FTCDNL1: variants seen among roughly 807,000 people sequenced by gnomAD.
The protein encoded by FTCDNL1 is formiminotransferase N-terminal subdomain-containing protein.
Under a neutral mutation model 5.9 loss-of-function variants are expected in FTCDNL1, and 11 were observed. The ratio of observed to expected loss-of-function variants is 1.87; its 90% CI spans 1.18 to 3.10. The LOEUF (loss-of-function observed/expected upper bound fraction) is 3.10, where lower values mean the gene tolerates loss of function less well. Among genes scored for constraint, FTCDNL1 ranks in the 30% most tolerant of loss-of-function variants. The pLI, the probability that FTCDNL1 is intolerant of heterozygous loss-of-function variation, is 0.00. For missense variants in FTCDNL1, 115 were observed against 65.5 expected, an observed-to-expected ratio of 1.76 and a Z score of -2.61; for synonymous variants, 58 against 24.8, an observed-to-expected ratio of 2.34 and a Z score of -3.99.
the FTCDNL1 span, among the ~76,000 whole-genome samples, chr2:199,738,750 A>G: frequency 3.7e-4 from 56 of 152,352 alleles, no homozygotes; most frequent in African/African-American, 1.3e-3. Context: ...TCAACTATCA[A>G]TGATGGTAAA....
At chr2:199,790,653 CT>C (rs1224689014) in intron 3 of FTCDNL1, among the ~76,000 whole-genome samples, 2 of 151,830 alleles carry the variant, frequency 1.3e-5, no homozygotes, top group East Asian at 1.9e-4. Context: ...TAAATAAATA[CT>C]TTTTTTTGAC....
intron 3 of FTCDNL1, among the ~76,000 whole-genome samples, chr2:199,802,405 T>C (rs576379245): frequency 2.6e-5 from 4 of 152,302 alleles, no homozygotes; most frequent in African/African-American, 9.6e-5. Context: ...TAAAACCCTG[T>C]AACAAGTCAA....
At chr2:199,733,235 A>G in the FTCDNL1 span, among the ~76,000 whole-genome samples, 6 of 152,248 alleles carry the variant, frequency 3.9e-5, no homozygotes, top group Non-Finnish European at 8.8e-5. Context: ...AGGAAAGCGT[A>G]AGGCAGGCAC....
chr2:199,794,477 G>C (rs917607698), intron 3 of FTCDNL1, among the ~76,000 whole-genome samples: 2 of 152,216 alleles, frequency 1.3e-5, no homozygotes, highest in Admixed American at 6.5e-5. Flanking sequence ...AATCCAATCA[G>C]AGGCTGGTAG....
Position 199,765,274 on chromosome 2 carries a change from T to C in FTCDNL1, c.212-4439A>G, listed in dbSNP as rs75559909. On this transcript the variant is annotated intron_variant, in intron 3 of 3. Coordinates refer to the FTCDNL1 transcript ENST00000416668. ...TGACATGATAATGTGTCAATGTAGG[T>C]TCATCAATTGTAACAAACGTACCAC... Among the ~76,000 whole-genome samples the C allele has an allele frequency of 3.4e-3, 516 of 151,966 alleles. 10 individuals carry two copies. The highest frequency in any genetic ancestry group is 0.012 in the African/African-American group (505 of 41,432).
At chr2:199,704,970 C>G in the FTCDNL1 span, among the ~76,000 whole-genome samples, 18 of 152,106 alleles carry the variant, frequency 1.2e-4, no homozygotes, top group African/African-American at 4.3e-4. Context: ...TCTGTGGAAG[C>G]CTTCATTCAG....
chr2:199,761,740 T>G (rs1427265051), intron 3 of FTCDNL1, among the ~76,000 whole-genome samples: 1 of 152,200 alleles, frequency 6.6e-6, no homozygotes, highest in Non-Finnish European at 1.5e-5. Context: ...GCTGTCTTCC[T>G]GGGTCCTGTC....
At chr2:199,837,066 G>A (rs1041432874) in intron 3 of FTCDNL1, among the ~76,000 whole-genome samples, 25 of 152,258 alleles carry the variant, frequency 1.6e-4, no homozygotes, top group African/African-American at 4.6e-4. Flanking sequence ...GGAAGATTAA[G>A]TTTGTTTATC....
intron 3 of FTCDNL1, among the ~76,000 whole-genome samples, chr2:199,792,086 T>TA (rs397961881): frequency 1.7e-3 from 247 of 149,388 alleles, no homozygotes; most frequent in African/African-American, 4.7e-3. Context: ...ATTTTATGTG[T>TA]AAAAAAAAAA....
At position 199,812,303 on chromosome 2, in the gene FTCDNL1, C is replaced by G. The variant is rs139253551; in HGVS notation, c.*402G>C. Among the ~76,000 whole-genome samples the G allele has an allele frequency of 2.8e-4, 43 of 152,236 alleles. No individual in the cohort carries two copies. The East Asian group carries it at 8.3e-3, about 29-fold the overall frequency. On this transcript the variant is annotated 3_prime_UTR_variant, in exon 5 of 5. Coordinates refer to ENST00000420128, the MANE Select transcript of FTCDNL1 (RefSeq NM_001363886.2). The stretch of plus-strand genomic sequence containing the variant: ...AGAAGAGAAAATTTCTCTTTCTGCC[C>G]AAATTCACGCTTTTCCAATTTCCTC...
At chr2:199,825,790 T>A (rs1023802094) in intron 3 of FTCDNL1, among the ~76,000 whole-genome samples, 5 of 152,198 alleles carry the variant, frequency 3.3e-5, no homozygotes, top group African/African-American at 7.2e-5. Context: ...ATAAACCTCT[T>A]TTCTTTATAG....
At chr2:199,668,611 G>C in the FTCDNL1 span, among the ~76,000 whole-genome samples, 957 of 152,158 alleles carry the variant, frequency 6.3e-3, 19 homozygotes, top group African/African-American at 0.022. Context: ...GGATTACTCT[G>C]CCACTACTCT....
intron 3 of FTCDNL1, among the ~76,000 whole-genome samples, chr2:199,780,421 T>C (rs1255107494): frequency 6.6e-6 from 1 of 152,132 alleles, no homozygotes; most frequent in African/African-American, 2.4e-5. Context: ...AGTCCACTCT[T>C]AGGCCATTCA....
the FTCDNL1 span, among the ~76,000 whole-genome samples, chr2:199,724,054 A>G: frequency 7.9e-5 from 12 of 152,234 alleles, no homozygotes; most frequent in African/African-American, 2.9e-4. Flanking sequence ...TATTGCCTCA[A>G]TTTCAGAACT....
At chr2:199,765,002 C>T (rs12233186) in intron 3 of FTCDNL1, among the ~76,000 whole-genome samples, 3,520 of 152,244 alleles carry the variant, frequency 0.023, 226 homozygotes, top group Admixed American at 0.14. Flanking sequence ...AAACAGCCCA[C>T]AACTAGGACC....
the FTCDNL1 span, among the ~76,000 whole-genome samples, chr2:199,713,424 G>A: frequency 7.2e-5 from 11 of 152,154 alleles, no homozygotes; most frequent in Admixed American, 7.2e-4. Context: ...CAACTTGGGA[G>A]AGCTTCCCAG....
downstream of FTCDNL1, among the ~76,000 whole-genome samples, chr2:199,756,673 G>A (rs55904833): frequency 0.028 from 4,280 of 152,300 alleles, 126 homozygotes; most frequent in East Asian, 0.17. Flanking sequence ...GTGTACAAAG[G>A]AAAGGAGGTT....
chr2:199,709,597 G>T, the FTCDNL1 span, among the ~76,000 whole-genome samples: 4 of 152,130 alleles, frequency 2.6e-5, no homozygotes, highest in African/African-American at 9.7e-5. Context: ...AAGTGAGGAA[G>T]ATGTTTCAGA....
At chr2:199,829,077 A>G (rs1485641355) in intron 3 of FTCDNL1, among the ~76,000 whole-genome samples, 1 of 152,224 alleles carries the variant, frequency 6.6e-6, no homozygotes, top group Non-Finnish European at 1.5e-5. Flanking sequence ...CAAGGCATAT[A>G]TATGAATCAC....
Sources: gnomAD v4.1 joint callset for allele counts (sites outside exome capture counted in the v4.1 genomes callset) on GRCh38, gnomAD v4.1.1 for gene constraint, MANE v1.5 for transcripts, NCBI Gene and HGNC (gene_info 2026-07-23, HGNC 2026-07-21) for gene names.